The following ELMOD1 variants were observed in gnomAD, a reference collection of about 807,000 sequenced individuals.
ELMOD1 encodes ELMO domain-containing protein 1.
A neutral mutation model predicts 46.7 loss-of-function variants in ELMOD1; 21 were observed. The observed-to-expected ratio is 0.45, with a 90% CI of 0.32 to 0.65. The LOEUF (loss-of-function observed/expected upper bound fraction) is 0.65. Among genes scored for constraint, ELMOD1 ranks in the 30% least tolerant of loss-of-function variants. ELMOD1 has a pLI of 0.04. For synonymous variants in ELMOD1, 122 were observed against 138.2 expected, an observed-to-expected ratio of 0.88 and a Z score of 0.82; for missense variants, 348 against 407.8, an observed-to-expected ratio of 0.85 and a Z score of 1.26.
At chr11:107,591,730 C>T (rs568194220) in intron 1 of ELMOD1, 1 of 389,248 alleles carries the variant, frequency 2.6e-6, no homozygotes, top group Admixed American at 3.4e-5. Flanking sequence ...GCCGAGGGCT[C>T]GGGGAAGGGA....
intron 6 of ELMOD1, among the ~76,000 whole-genome samples, chr11:107,641,644 C>T (rs1168600481): frequency 1.3e-5 from 2 of 152,176 alleles, no homozygotes; most frequent in Non-Finnish European, 2.9e-5. Flanking sequence ...ATCATCCTCT[C>T]ATATGTAACA....
rs142578314 is a variant in ELMOD1 at position 107,664,354 on chromosome 11, T to C, written c.833-671T>C. On this transcript the variant is annotated intron_variant, in intron 11 of 11. Coordinates refer to ENST00000265840, the MANE Select transcript of ELMOD1 (RefSeq NM_018712.4). ...GGGCATAATGGGGAACAAAGCACAA[T>C]GAATAGGTTCTTATATCAAATACTT... 5.4e-3 allele frequency among the ~76,000 whole-genome samples: 826 copies of C among 152,210 alleles called. 8 individuals are homozygous for C. Among genetic ancestry groups the C allele is most frequent in the African/African-American group, 0.019 (783 of 41,532 alleles).
intron 5 of ELMOD1, among the ~76,000 whole-genome samples, chr11:107,633,236 C>A (rs1019896358): frequency 3.3e-5 from 5 of 152,026 alleles, no homozygotes; most frequent in African/African-American, 1.2e-4. Context: ...GCCTTTTTTA[C>A]AGAGCGACAT....
intron 9 of ELMOD1, among the ~76,000 whole-genome samples, chr11:107,652,521 A>G (rs1025279264): frequency 3.3e-5 from 5 of 152,216 alleles, no homozygotes; most frequent in African/African-American, 1.2e-4. Context: ...TCCAATGCAG[A>G]TAGAGAAATG....
At chr11:107,612,128 A>G (rs991781196) in intron 1 of ELMOD1, among the ~76,000 whole-genome samples, 1 of 152,256 alleles carries the variant, frequency 6.6e-6, no homozygotes, top group Non-Finnish European at 1.5e-5. Context: ...GCCCATTAAC[A>G]GTGAACTGGA....
intron 1 of ELMOD1, among the ~76,000 whole-genome samples, chr11:107,607,097 A>G (rs1447794364): frequency 6.6e-6 from 1 of 152,212 alleles, no homozygotes; most frequent in East Asian, 1.9e-4. Flanking sequence ...GACAATAGCC[A>G]TCACTGAAGA....
At position 107,601,621 on chromosome 11, in the gene ELMOD1, G is replaced by A. The variant is rs1164612145; in HGVS notation, c.-86+10212G>A. Among the ~76,000 whole-genome samples the A allele has an allele frequency of 2.0e-5, 3 of 151,806 alleles. No individual in the cohort carries two copies. In the East Asian group the frequency reaches 5.8e-4, roughly 29 times the overall value. ...AGTATAGATGGGGTTTTGCCACGTT[G>A]CCCAATCTAGTCTTGAACTTCTGGG... On this transcript the variant is annotated intron_variant, in intron 1 of 11. Coordinates refer to ENST00000265840, the MANE Select transcript of ELMOD1 (RefSeq NM_018712.4).
intron 1 of ELMOD1, among the ~76,000 whole-genome samples, chr11:107,614,627 A>G (rs1186543532): frequency 6.6e-6 from 1 of 152,194 alleles, no homozygotes; most frequent in Non-Finnish European, 1.5e-5. Context: ...ATAAGCCACC[A>G]TGCCCGGCCC....
At chr11:107,643,471 AAT>A (rs1170005040) in intron 6 of ELMOD1, 1 of 298,892 alleles carries the variant, frequency 3.3e-6, no homozygotes, top group African/African-American at 2.2e-5. Context: ...CTGCTGGGGA[AAT>A]AGTTACTGCT....
chr11:107,593,390 C>T (rs1221249372), intron 1 of ELMOD1, among the ~76,000 whole-genome samples: 1 of 152,106 alleles, frequency 6.6e-6, no homozygotes, highest in East Asian at 1.9e-4. Flanking sequence ...TTTGTAAAAT[C>T]TTCGATAAAT....
intron 5 of ELMOD1, among the ~76,000 whole-genome samples, chr11:107,634,536 C>T (rs1591123136): frequency 6.6e-6 from 1 of 152,032 alleles, no homozygotes; most frequent in South Asian, 2.1e-4. Context: ...GTCAGGAGTT[C>T]GAGACCAGCC....
intron 1 of ELMOD1, chr11:107,592,120 G>A: frequency 8.0e-6 from 3 of 377,116 alleles, no homozygotes; most frequent in Non-Finnish European, 1.7e-5. Flanking sequence ...TGTTTTCCAA[G>A]TGTGGGTACG....
chr11:107,616,256 A>G lies in ELMOD1; in HGVS notation c.-85-1849A>G, dbSNP rs371699205. 3.8e-4 allele frequency among the ~76,000 whole-genome samples: 58 copies of G among 152,152 alleles called. No homozygotes were observed. In the East Asian group the frequency reaches 7.7e-3, roughly 20 times the overall value. ...AGTGATCTGCCTGCCTCCACCTTCCAAAGTGCTGAGATTACAGGTGTGAGC... is the reference window on the plus strand; with the variant it reads ...AGTGATCTGCCTGCCTCCACCTTCCGAAGTGCTGAGATTACAGGTGTGAGC... On this transcript the variant is annotated intron_variant, in intron 1 of 11. Transcript: ENST00000265840.
At chr11:107,622,311 T>C (rs1325514579) in intron 2 of ELMOD1, among the ~76,000 whole-genome samples, 1 of 152,138 alleles carries the variant, frequency 6.6e-6, no homozygotes, top group East Asian at 1.9e-4. Flanking sequence ...CCAAGTTTGT[T>C]AGATGTAGAC....
intron 1 of ELMOD1, chr11:107,600,284 T>C (rs1006307804): frequency 3.6e-5 from 4 of 112,620 alleles, no homozygotes; most frequent in Non-Finnish European, 6.9e-5. Flanking sequence ...AATTTATAAT[T>C]TGTGGCATCT....
In ELMOD1 at chr11:107,665,218, G is replaced by A. The variant is rs746073973; in HGVS notation, c.*21G>A. On this transcript the variant is annotated 3_prime_UTR_variant, in exon 12 of 12. Transcript: ENST00000265840. ...TGTAGTTGCCCACGCCGGTTTTAAT[G>A]GATACCCTGGAACACTGCCTCATTG... The A allele has an allele frequency of 2.5e-6, 4 of 1,611,354 alleles. No individual in the cohort carries two copies. The highest frequency in any genetic ancestry group is 1.7e-5 in the Admixed American group (1 of 59,904).
In ELMOD1 at chr11:107,612,972, G is replaced by C. The variant is rs147765814; in HGVS notation, c.-85-5133G>C. Among the ~76,000 whole-genome samples, 5 of 152,214 alleles carry C rather than the reference G, an allele frequency of 3.3e-5. No homozygotes were observed. The East Asian group carries it at 9.7e-4, about 29-fold the overall frequency. The stretch of plus-strand genomic sequence containing the variant: ...ATCTTTGTTTCCTGTTTGGGGGACA[G>C]ACAATTAGAACTAATGGTTATTTTC... On this transcript the variant is annotated intron_variant, in intron 1 of 11. Transcript: ENST00000265840.
chr11:107,625,408 G>C, intron 2 of ELMOD1: 1 of 983,574 alleles, frequency 1.0e-6, no homozygotes, highest in Non-Finnish European at 1.2e-6. Context: ...ATTTCTTCAA[G>C]CAAGAATTAA....
At chr11:107,608,054 A>C (rs968098587) in intron 1 of ELMOD1, among the ~76,000 whole-genome samples, 1 of 151,584 alleles carries the variant, frequency 6.6e-6, no homozygotes, top group Admixed American at 6.6e-5. Context: ...AGAAAAAAAA[A>C]CTTTGCCTAA....
Sources: allele counts gnomAD v4.1 joint callset (sites outside exome capture counted in the v4.1 genomes callset), GRCh38; gene constraint gnomAD v4.1.1; transcripts MANE v1.5; gene names NCBI Gene and HGNC (gene_info 2026-07-23, HGNC 2026-07-21).